The following GRM1 variants were observed in gnomAD, a reference collection of about 807,000 sequenced individuals.
GRM1 encodes metabotropic glutamate receptor 1.
Under a neutral mutation model 90.9 loss-of-function variants are expected in GRM1, and 33 were observed. The ratio of observed to expected loss-of-function variants is 0.36; its 90% CI spans 0.28 to 0.49. The LOEUF (loss-of-function observed/expected upper bound fraction) is 0.49. Among genes scored for constraint, GRM1 ranks in the 20% least tolerant of loss-of-function variants. GRM1 has a pLI of 0.99. For synonymous variants in GRM1, 700 were observed against 613.2 expected (o/e 1.14, Z -2.09); for missense variants, 1,190 against 1,534.3 (o/e 0.78, Z 3.75).
At chr6:146,297,081 A>G (rs1783202378) in intron 2 of GRM1, among the ~76,000 whole-genome samples, 1 of 151,940 alleles carries the variant, frequency 6.6e-6, no homozygotes, top group Non-Finnish European at 1.5e-5. Flanking sequence ...TTTCTTGATT[A>G]TATTTCATTT....
At chr6:146,129,543 G>T (rs1274201578) in intron 1 of GRM1, among the ~76,000 whole-genome samples, 3 of 152,172 alleles carry the variant, frequency 2.0e-5, no homozygotes, top group Non-Finnish European at 4.4e-5. Context: ...CTGAGAGGCT[G>T]CACAGAGCAA....
At chr6:146,316,463 T>TA (rs1783971980) in intron 3 of GRM1, among the ~76,000 whole-genome samples, 1 of 152,218 alleles carries the variant, frequency 6.6e-6, no homozygotes, top group Non-Finnish European at 1.5e-5. Context: ...GTGGGACTGT[T>TA]ACGTTGTCTA....
intron 1 of GRM1, among the ~76,000 whole-genome samples, chr6:146,067,328 G>GAT (rs1775881411): frequency 2.0e-5 from 3 of 152,172 alleles, no homozygotes; most frequent in Non-Finnish European, 4.4e-5. Flanking sequence ...TCCTGTGAAG[G>GAT]TAGGCAGTGT....
intron 2 of GRM1, among the ~76,000 whole-genome samples, chr6:146,275,129 G>A (rs953396524): frequency 6.6e-6 from 1 of 152,176 alleles, no homozygotes; most frequent in Non-Finnish European, 1.5e-5. Context: ...ACTGCAATGA[G>A]CTAAACTAAG....
rs1777076858 is a variant in GRM1 at position 146,399,498 on chromosome 6, G to C, written c.2459G>C (p.Ser820Thr). The C allele has an allele frequency of 6.2e-7, 1 of 1,614,044 alleles. No homozygotes were observed. The highest frequency in any genetic ancestry group is 1.1e-5 in the South Asian group (1 of 91,086). ...YKIITTCFAV[S>T]LSVTVALGCM... is the part of the protein sequence containing the mutation. ...ATCATCACAACTTGCTTTGCAGTGA[G>C]TCTCAGTGTAACAGTGGCTCTGGGG... The change falls in exon 7 of 8, where the codon AGT becomes ACT. Residue 820 changes from serine to threonine, a missense_variant. Ser to Thr is a moderately conservative substitution (Grantham distance 58). Around this residue, in one of 10 missense-constraint regions of GRM1, gnomAD observed 73 missense variants for 150.6 expected, o/e 0.48. Transcript: ENST00000282753. The surrounding 1 kb of genome is among the most constrained non-coding windows in gnomAD (Gnocchi z 5.4).
intron 3 of GRM1, among the ~76,000 whole-genome samples, chr6:146,321,566 G>A (rs1784190225): frequency 6.6e-6 from 1 of 151,466 alleles, no homozygotes; most frequent in Admixed American, 6.6e-5. Context: ...TTGACAGTGG[G>A]GTGTTAAATC....
chr6:146,335,853 C>A (rs557461279), intron 3 of GRM1, among the ~76,000 whole-genome samples: 102 of 152,098 alleles, frequency 6.7e-4, no homozygotes, highest in Middle Eastern at 3.2e-3. Flanking sequence ...CAGGAAGAGA[C>A]CTGGTGGGAG....
At chr6:146,246,094 G>A (rs1444507066) in intron 2 of GRM1, among the ~76,000 whole-genome samples, 1 of 152,108 alleles carries the variant, frequency 6.6e-6, no homozygotes, top group Non-Finnish European at 1.5e-5. Flanking sequence ...AATGAACAGG[G>A]CTGTCTCTTT....
intron 5 of GRM1, among the ~76,000 whole-genome samples, chr6:146,385,982 A>C (rs1776485209): frequency 6.6e-6 from 1 of 152,064 alleles, no homozygotes; most frequent in Non-Finnish European, 1.5e-5. Flanking sequence ...AATGCTAAAA[A>C]GAAGGCAAAA....
rs1452516900 is a variant in GRM1 at position 146,434,235 on chromosome 6, C to T, written c.3024C>T (p.Ala1008=). ...CCCCCCTCTTCCTGGCCGAACCAGC[C>T]CTCCCCAAGGGCTTGCCCCCTCCTC... ...EETPLFLAEP[A]LPKGLPPPLQ... The change falls in exon 8 of 8, where the codon GCC becomes GCT. Residue 1008 remains alanine (A), a synonymous_variant. Coordinates refer to ENST00000282753, the MANE Select transcript of GRM1 (RefSeq NM_001278064.2). The T allele has an allele frequency of 6.2e-7, 1 of 1,605,236 alleles. No individual in the cohort carries two copies. Among genetic ancestry groups the T allele is most frequent in the East Asian group, 2.2e-5 (1 of 44,738 alleles).
intron 2 of GRM1, among the ~76,000 whole-genome samples, chr6:146,187,932 T>C (rs1778794863): frequency 1.3e-5 from 2 of 152,096 alleles, no homozygotes; most frequent in African/African-American, 4.8e-5. Flanking sequence ...TTTATTATTA[T>C]TTATGTTCTA....
intron 2 of GRM1, among the ~76,000 whole-genome samples, chr6:146,162,684 A>T (rs541525078): frequency 6.6e-6 from 1 of 152,296 alleles, no homozygotes; most frequent in African/African-American, 2.4e-5. Context: ...TCAAAGCTCC[A>T]TATTTGACCA....
intron 2 of GRM1, among the ~76,000 whole-genome samples, chr6:146,231,078 T>C (rs780777323): frequency 7.2e-5 from 11 of 152,172 alleles, no homozygotes; most frequent in Non-Finnish European, 1.3e-4. Context: ...ACTGTAATGT[T>C]GGATACATGT....
intron 2 of GRM1, among the ~76,000 whole-genome samples, chr6:146,200,176 A>G (rs1265943325): frequency 6.6e-6 from 1 of 152,052 alleles, no homozygotes; most frequent in African/African-American, 2.4e-5. Context: ...ACATTTCTGG[A>G]GCTCTGCAAC....
rs1776796087 is a variant in GRM1 at position 146,140,090 on chromosome 6, ATT to A, written c.701-19257_701-19256del. Among the ~76,000 whole-genome samples the A allele has an allele frequency of 5.2e-5, 3 of 57,874 alleles. No individual in the cohort carries two copies. The East Asian group carries it at 1.7e-3, about 32-fold the overall frequency. The allele number at this position is 57,874 out of a possible 152,430, so 38.0% of individuals were successfully genotyped here. On this transcript the variant is annotated intron_variant, in intron 1 of 7. Transcript: ENST00000282753. ...CTCTTCTTTTCTCCTTTCTTTCTTT[ATT>A]CTTTCTTTCTTTCTTTCTTTCTTTC...
At chr6:146,063,972 T>C (rs1193527312) in intron 1 of GRM1, among the ~76,000 whole-genome samples, 1 of 152,212 alleles carries the variant, frequency 6.6e-6, no homozygotes, top group African/African-American at 2.4e-5. Flanking sequence ...TTTGGATTCA[T>C]TTGCATTATA....
chr6:146,318,359 T>C (rs1007311441), intron 3 of GRM1, among the ~76,000 whole-genome samples: 1 of 152,248 alleles, frequency 6.6e-6, no homozygotes, highest in Non-Finnish European at 1.5e-5. Flanking sequence ...CTGCATAGTA[T>C]TCAATTATGT....
intron 7 of GRM1, among the ~76,000 whole-genome samples, chr6:146,425,703 C>A (rs531483432): frequency 1.3e-5 from 2 of 152,320 alleles, no homozygotes; most frequent in South Asian, 4.1e-4. Flanking sequence ...GATAGTTCAC[C>A]CTAAGCATCT....
chr6:146,321,487 C>G (rs1351857795), intron 3 of GRM1, among the ~76,000 whole-genome samples: 2 of 152,162 alleles, frequency 1.3e-5, no homozygotes, highest in Non-Finnish European at 2.9e-5. Flanking sequence ...GTTAGGTTCA[C>G]TTGGTCCAGA....
Sources: gnomAD v4.1 joint callset for allele counts (sites outside exome capture counted in the v4.1 genomes callset) on GRCh38, gnomAD v4.1.1 for gene constraint, gnomAD v4.1.1 regional missense constraint, Gnocchi (gnomAD v3.1) non-coding constraint, MANE v1.5 for transcripts, NCBI Gene and HGNC (gene_info 2026-07-23, HGNC 2026-07-21) for gene names.